Variants in HK1 observed in about 807,000 individuals in gnomAD.
HK1 encodes the protein hexokinase 1.
In HK1, 28 loss-of-function variants were observed where a neutral mutation model predicts 91.6. The ratio of observed to expected loss-of-function variants is 0.31; its 90% CI spans 0.23 to 0.42. The LOEUF (loss-of-function observed/expected upper bound fraction) is 0.42, where lower values mean the gene tolerates loss of function less well. Among genes scored for constraint, HK1 ranks in the 10% least tolerant of loss-of-function variants. The probability of loss-of-function intolerance (pLI) is 1.00; values close to 1 mark genes in which losing one functional copy is unlikely to be tolerated. For synonymous variants in HK1, 430 were observed against 468.1 expected, an observed-to-expected ratio of 0.92 and a Z score of 1.05; for missense variants, 770 against 1,219.8, an observed-to-expected ratio of 0.63 and a Z score of 5.49.
chr10:69,302,797 C>CTTTG (rs1055145756), intron 5 of HK1, among the ~76,000 whole-genome samples: 7 of 148,796 alleles, frequency 4.7e-5, no homozygotes, highest in Admixed American at 2.7e-4. Context: ...CATTTGTTTG[C>CTTTG]TTTGTTTGTT....
intron 13 of HK1, among the ~76,000 whole-genome samples, chr10:69,388,123 A>G (rs1387717392): frequency 6.6e-6 from 1 of 152,144 alleles, no homozygotes; most frequent in Non-Finnish European, 1.5e-5. Context: ...TACACAACTT[A>G]CAATATTTCA....
chr10:69,364,578 A>G (rs1849598104), intron 3 of HK1, among the ~76,000 whole-genome samples: 1 of 152,152 alleles, frequency 6.6e-6, no homozygotes. Flanking sequence ...GTACTTGCCC[A>G]CAGGGTAGCT....
intron 2 of HK1, among the ~76,000 whole-genome samples, chr10:69,350,639 G>A (rs888502461): frequency 6.6e-6 from 1 of 151,954 alleles, no homozygotes; most frequent in Admixed American, 6.6e-5. Flanking sequence ...TCCAGCCCGG[G>A]CAACAGTGTG....
At chr10:69,279,960 C>A (rs1021429052) in intron 1 of HK1, among the ~76,000 whole-genome samples, 2 of 152,084 alleles carry the variant, frequency 1.3e-5, no homozygotes, top group African/African-American at 2.4e-5. Flanking sequence ...GGTTGATCAG[C>A]GATTGTGTCT....
At position 69,347,439 on chromosome 10, in the gene HK1, A is replaced by ATTTTT. The variant is rs556840743; in HGVS notation, c.226+3462_226+3466dup. ...TCTTTGGAAATTGAATAGGAGACAG[A>ATTTTT]TTTTTTTTTTTTTTTTAAGACAGTC... On this transcript the variant is annotated intron_variant, in intron 2 of 17. Coordinates refer to ENST00000359426, the MANE Select transcript of HK1 (RefSeq NM_000188.3). Among the ~76,000 whole-genome samples, 90 of 140,386 alleles carry ATTTTT rather than the reference A, an allele frequency of 6.4e-4. 1 individual carries two copies. Among genetic ancestry groups the ATTTTT allele is most frequent in the African/African-American group, 2.1e-3 (80 of 38,096 alleles). The allele number at this position is 140,386 out of a possible 152,430, so 92.1% of individuals were successfully genotyped here.
At position 69,342,241 on chromosome 10, in the gene HK1, G is replaced by C. The variant is rs534286428; in HGVS notation, c.64-1586G>C. 3.3e-5 allele frequency among the ~76,000 whole-genome samples: 5 copies of C among 152,300 alleles called. No homozygotes were observed. In the South Asian group the frequency reaches 1.0e-3, roughly 32 times the overall value. On this transcript the variant is annotated intron_variant, in intron 1 of 17. Coordinates refer to ENST00000359426, the MANE Select transcript of HK1 (RefSeq NM_000188.3). ...AAGGTCTTTTCAGCCTTGTGGGGCT[G>C]TAAATCTGTCTCTCTATCCAGTGGG... is the stretch of plus-strand genomic sequence containing the variant.
intron 1 of HK1, among the ~76,000 whole-genome samples, chr10:69,334,785 G>T (rs1479668807): frequency 7.9e-5 from 12 of 152,164 alleles, no homozygotes; most frequent in Admixed American, 7.9e-4. Flanking sequence ...TCCCTGCAAC[G>T]CCCAGGAAAG....
At chr10:69,326,639 ATTT>A (rs1409848895) in intron 1 of HK1, among the ~76,000 whole-genome samples, 6 of 152,172 alleles carry the variant, frequency 3.9e-5, no homozygotes, top group Non-Finnish European at 7.4e-5. Context: ...ATTTGAGTTA[ATTT>A]TTTATTATGA....
At chr10:69,275,271 A>T (rs1844380044) in intron 1 of HK1, among the ~76,000 whole-genome samples, 1 of 151,736 alleles carries the variant, frequency 6.6e-6, no homozygotes, top group East Asian at 1.9e-4. Context: ...CTGTAATCTC[A>T]GTACTTTGGG....
chr10:69,320,118 C>T (rs1846924344), intron 1 of HK1, among the ~76,000 whole-genome samples: 1 of 152,184 alleles, frequency 6.6e-6, no homozygotes, highest in African/African-American at 2.4e-5. Flanking sequence ...ATGACTCCCT[C>T]ATCTGGCACC....
At chr10:69,275,894 G>A (rs1844412236) in intron 1 of HK1, among the ~76,000 whole-genome samples, 1 of 150,678 alleles carries the variant, frequency 6.6e-6, no homozygotes, top group African/African-American at 2.4e-5. Flanking sequence ...GTTGAGACCA[G>A]CCTGGCCAAC....
intron 5 of HK1, among the ~76,000 whole-genome samples, chr10:69,306,659 G>A (rs918340538): frequency 6.6e-6 from 1 of 152,236 alleles, no homozygotes; most frequent in Non-Finnish European, 1.5e-5. Context: ...TGGCGCAGGT[G>A]AAGGAAGGGA....
At chr10:69,297,499 G>A (rs1480258157) in intron 4 of HK1, among the ~76,000 whole-genome samples, 1 of 152,296 alleles carries the variant, frequency 6.6e-6, no homozygotes, top group East Asian at 1.9e-4. Context: ...TGGTGGCCTT[G>A]CAGGTACCCA....
intron 3 of HK1, 37 bp from the exon 4 acceptor site, chr10:69,364,746 C>A: frequency 6.2e-7 from 1 of 1,613,988 alleles, no homozygotes; most frequent in Non-Finnish European, 8.5e-7. Context: ...GCTAAGCCTG[C>A]TTTGGGGCCC....
intron 1 of HK1, among the ~76,000 whole-genome samples, chr10:69,321,197 G>T (rs185371953): frequency 1.4e-4 from 21 of 152,320 alleles, no homozygotes; most frequent in Non-Finnish European, 2.8e-4. Context: ...TGGACTGTGT[G>T]GCACAGCCAT....
At chr10:69,292,720 G>A (rs184556877) in intron 3 of HK1, among the ~76,000 whole-genome samples, 2 of 152,276 alleles carry the variant, frequency 1.3e-5, no homozygotes, top group Non-Finnish European at 2.9e-5. Context: ...ATTCGTATTC[G>A]TATTTTTCCC....
At chr10:69,277,975 G>GGCGAACC (rs1327072021) in intron 1 of HK1, among the ~76,000 whole-genome samples, 6 of 152,160 alleles carry the variant, frequency 3.9e-5, no homozygotes, top group African/African-American at 1.2e-4. Context: ...GAAGGTTGCA[G>GGCGAACC]TGAGCCGAGA....
intron 3 of HK1, among the ~76,000 whole-genome samples, chr10:69,361,194 A>G (rs1053647108): frequency 1.3e-5 from 2 of 152,218 alleles, no homozygotes; most frequent in Admixed American, 6.5e-5. Flanking sequence ...AGTGAGTGTC[A>G]CAGGTGACAC....
At chr10:69,363,125 G>T (rs935121851) in intron 3 of HK1, among the ~76,000 whole-genome samples, 1 of 152,184 alleles carries the variant, frequency 6.6e-6, no homozygotes, top group African/African-American at 2.4e-5. Context: ...TGTGACTATG[G>T]TTTGGCTCTC....
Sources: allele counts gnomAD v4.1 joint callset (sites outside exome capture counted in the v4.1 genomes callset), GRCh38; gene constraint gnomAD v4.1.1; transcripts MANE v1.5; gene names NCBI Gene and HGNC (gene_info 2026-07-23, HGNC 2026-07-21).